KCNC2: variants seen among roughly 807,000 people sequenced by gnomAD.
The protein encoded by KCNC2 is voltage-gated potassium channel KCNC2.
Under a neutral mutation model 44.5 loss-of-function variants are expected in KCNC2, and 21 were observed. That is an observed-to-expected ratio of 0.47 (90% CI 0.33 to 0.68). KCNC2 has a LOEUF of 0.68. Among genes scored for constraint, KCNC2 ranks in the 30% least tolerant of loss-of-function variants. The probability of loss-of-function intolerance (pLI) is 0.01; values close to 1 mark genes in which losing one functional copy is unlikely to be tolerated. For synonymous variants in KCNC2, 391 were observed against 339.1 expected (o/e 1.15, Z -1.68); for missense variants, 589 against 826.2 (o/e 0.71, Z 3.52).
At chr12:75,127,284 C>T (rs1432695518) in intron 2 of KCNC2, among the ~76,000 whole-genome samples, 1 of 152,052 alleles carries the variant, frequency 6.6e-6, no homozygotes, top group Non-Finnish European at 1.5e-5. Flanking sequence ...CCCTCACTTG[C>T]TTTCAGAGAA....
At chr12:75,141,956 T>C (rs12296755) in intron 2 of KCNC2, among the ~76,000 whole-genome samples, 1 of 152,044 alleles carries the variant, frequency 6.6e-6, no homozygotes, top group Non-Finnish European at 1.5e-5. Context: ...ATTCACTCAT[T>C]CTGTACTCAT....
chr12:75,068,590 A>G (rs929411888), intron 2 of KCNC2, among the ~76,000 whole-genome samples: 1 of 151,860 alleles, frequency 6.6e-6, no homozygotes, highest in South Asian at 2.1e-4. Context: ...TTATTCCTAT[A>G]GGAATTGTCT....
At chr12:75,112,459 A>G (rs2137243761) in intron 2 of KCNC2, among the ~76,000 whole-genome samples, 1 of 152,076 alleles carries the variant, frequency 6.6e-6, no homozygotes. Flanking sequence ...GTGTGTTATC[A>G]CTTTCTGAGG....
intron 2 of KCNC2, among the ~76,000 whole-genome samples, chr12:75,157,146 C>T (rs2137502154): frequency 6.6e-6 from 1 of 151,988 alleles, no homozygotes; most frequent in East Asian, 1.9e-4. Flanking sequence ...GCAAACAAAG[C>T]AAAACTCTAC....
intron 2 of KCNC2, among the ~76,000 whole-genome samples, chr12:75,177,057 T>TATATATATATATATATAC (rs1491339880): frequency 3.2e-4 from 41 of 127,274 alleles, no homozygotes; most frequent in African/African-American, 1.0e-3. Flanking sequence ...TATATATATA[T>TATATATATATATATATAC]ACACACACAC....
intron 2 of KCNC2, among the ~76,000 whole-genome samples, chr12:75,172,075 T>C (rs916737995): frequency 1.3e-5 from 2 of 151,782 alleles, no homozygotes; most frequent in African/African-American, 2.4e-5. Context: ...AAAGAAAGGA[T>C]GTCACATTGC....
intron 2 of KCNC2, among the ~76,000 whole-genome samples, chr12:75,170,531 T>G (rs1331641015): frequency 6.6e-6 from 1 of 151,822 alleles, no homozygotes; most frequent in African/African-American, 2.4e-5. Context: ...TTCACTCAAC[T>G]AAATATGTTT....
At chr12:75,132,047 C>A (rs1003995776) in intron 2 of KCNC2, among the ~76,000 whole-genome samples, 10 of 152,116 alleles carry the variant, frequency 6.6e-5, no homozygotes, top group African/African-American at 2.4e-4. Flanking sequence ...TAATTTTACA[C>A]AAGTTGGTCA....
intron 2 of KCNC2, among the ~76,000 whole-genome samples, chr12:75,136,236 C>T (rs763609183): frequency 9.2e-5 from 14 of 151,664 alleles, no homozygotes; most frequent in African/African-American, 2.9e-4. Flanking sequence ...TCTAAAAAAT[C>T]GAAAAATCAG....
At position 75,203,130 on chromosome 12, in the gene KCNC2, C is replaced by A. The variant is rs564597243; in HGVS notation, c.687+4167G>T. Among the ~76,000 whole-genome samples, 13 of 151,824 alleles carry A rather than the reference C, an allele frequency of 8.6e-5. No individual in the cohort carries two copies. The East Asian group carries it at 2.5e-3, about 29-fold the overall frequency. Reference sequence around the variant, plus strand: ...TACAAAACAAGACTTAATACATTTTCTTCCTTTAATCTTAATATATGATTC... The same window carrying A: ...TACAAAACAAGACTTAATACATTTTATTCCTTTAATCTTAATATATGATTC... On this transcript the variant is annotated intron_variant, in intron 2 of 4. Coordinates refer to ENST00000549446, the MANE Select transcript of KCNC2 (RefSeq NM_139137.4).
intron 2 of KCNC2, among the ~76,000 whole-genome samples, chr12:75,069,863 G>A (rs1883224797): frequency 1.3e-5 from 2 of 152,128 alleles, no homozygotes; most frequent in Admixed American, 6.5e-5. Flanking sequence ...AGGGAAGTAA[G>A]TTTGAGTCTC....
intron 2 of KCNC2, among the ~76,000 whole-genome samples, chr12:75,150,284 C>A (rs1890299971): frequency 6.6e-6 from 1 of 151,870 alleles, no homozygotes; most frequent in Admixed American, 6.6e-5. Flanking sequence ...ACACCCTCAT[C>A]CGTTACACTA....
intron 2 of KCNC2, among the ~76,000 whole-genome samples, chr12:75,153,324 G>A (rs1890534501): frequency 6.6e-6 from 1 of 151,918 alleles, no homozygotes; most frequent in Non-Finnish European, 1.5e-5. Context: ...AGGAGTTATA[G>A]GTGCCAATCT....
intron 2 of KCNC2, among the ~76,000 whole-genome samples, chr12:75,147,623 G>C (rs181808652): frequency 6.6e-6 from 1 of 152,132 alleles, no homozygotes; most frequent in Non-Finnish European, 1.5e-5. Context: ...TAAATAAATA[G>C]GATAGGGAAA....
At chr12:75,091,258 T>C (rs1333388965) in intron 2 of KCNC2, among the ~76,000 whole-genome samples, 1 of 151,814 alleles carries the variant, frequency 6.6e-6, no homozygotes, top group South Asian at 2.1e-4. Flanking sequence ...TTATCCTTCA[T>C]TTGAATTTTT....
At chr12:75,130,340 T>A (rs1888745330) in intron 2 of KCNC2, among the ~76,000 whole-genome samples, 1 of 152,176 alleles carries the variant, frequency 6.6e-6, no homozygotes, top group Admixed American at 6.5e-5. Flanking sequence ...ATAATAATAA[T>A]TTATGTACAT....
chr12:75,202,731 C>A (rs1029660794), intron 2 of KCNC2, among the ~76,000 whole-genome samples: 1 of 149,988 alleles, frequency 6.7e-6, no homozygotes, highest in Non-Finnish European at 1.5e-5. Flanking sequence ...ACCAATAATA[C>A]CTTAACATCA....
In KCNC2 at chr12:75,205,879, A is replaced by C. The variant is rs1464868366; in HGVS notation, c.687+1418T>G. On this transcript the variant is annotated intron_variant, in intron 2 of 4. Coordinates refer to ENST00000549446, the MANE Select transcript of KCNC2 (RefSeq NM_139137.4). Reference sequence around the variant, plus strand: ...TTCCTGAATGCCAACTCTGTTGTTGAATTTATGGCATGGCCTGAAAAAAAA... The same window carrying C: ...TTCCTGAATGCCAACTCTGTTGTTGCATTTATGGCATGGCCTGAAAAAAAA... Among the ~76,000 whole-genome samples the C allele has an allele frequency of 2.1e-5, 3 of 144,754 alleles. No homozygotes were observed. In the East Asian group the frequency reaches 6.0e-4, roughly 29 times the overall value. 95.0% of individuals were successfully genotyped at this position (144,754 alleles called of 152,430 possible). A position where few individuals can be genotyped will look rare whatever the true frequency, so the allele number is the denominator to read the frequency against.
At chr12:75,190,114 T>C (rs75826325) in intron 2 of KCNC2, among the ~76,000 whole-genome samples, 4,418 of 152,212 alleles carry the variant, frequency 0.029, 205 homozygotes, top group African/African-American at 0.1. Context: ...ATAATACCCA[T>C]TTATGAGGAG....
Sources: allele counts gnomAD v4.1 joint callset (sites outside exome capture counted in the v4.1 genomes callset), GRCh38; gene constraint gnomAD v4.1.1; transcripts MANE v1.5; gene names NCBI Gene and HGNC (gene_info 2026-07-23, HGNC 2026-07-21).